Variants in SLC35F4 observed in about 807,000 individuals in gnomAD.
The protein encoded by SLC35F4 is chromosome 14 open reading frame 36.
A neutral mutation model predicts 44.2 loss-of-function variants in SLC35F4; 24 were observed. The observed-to-expected ratio is 0.54, with a 90% CI of 0.39 to 0.76. The LOEUF (loss-of-function observed/expected upper bound fraction) is 0.76. Among genes scored for constraint, SLC35F4 ranks in the 30% least tolerant of loss-of-function variants. The pLI is 0.00. For missense variants in SLC35F4, 562 were observed against 586.1 expected, an observed-to-expected ratio of 0.96 and a Z score of 0.42; for synonymous variants, 238 against 223.6, an observed-to-expected ratio of 1.06 and a Z score of -0.57.
chr14:57,569,621 A>G (rs1462795293), intron 6 of SLC35F4, among the ~76,000 whole-genome samples, 167 bp downstream of exon 6: 2 of 152,216 alleles, frequency 1.3e-5, no homozygotes, highest in Non-Finnish European at 2.9e-5. Flanking sequence ...AACCTAATCA[A>G]CCAGTAGCTT....
At chr14:57,964,461 C>T (rs1338116069) in intron 1 of SLC35F4, among the ~76,000 whole-genome samples, 1 of 152,162 alleles carries the variant, frequency 6.6e-6, no homozygotes, top group African/African-American at 2.4e-5. Flanking sequence ...TCCTTACTCT[C>T]TCAAAATGCT....
At chr14:57,564,508 T>C (rs1189421649) in intron 7 of SLC35F4, 132 bp from the exon 8 acceptor site, 1 of 1,293,670 alleles carries the variant, frequency 7.7e-7, no homozygotes, top group Non-Finnish European at 1.0e-6. Flanking sequence ...TGTTTCCTTT[T>C]TCCACATTGC....
chr14:57,691,488 A>G (rs184949728), intron 1 of SLC35F4, among the ~76,000 whole-genome samples: 14 of 152,330 alleles, frequency 9.2e-5, no homozygotes, highest in Admixed American at 7.2e-4. Flanking sequence ...AGTGTTGTCT[A>G]TAATACTAGC....
chr14:57,973,808 T>C (rs1934314219), downstream of SLC35F4, among the ~76,000 whole-genome samples: 1 of 152,054 alleles, frequency 6.6e-6, no homozygotes, highest in African/African-American at 2.4e-5. Flanking sequence ...TCTCTCTTCT[T>C]ATTTGCCACA....
intron 1 of SLC35F4, among the ~76,000 whole-genome samples, chr14:57,678,844 C>T (rs1250315802): frequency 6.6e-6 from 1 of 152,038 alleles, no homozygotes; most frequent in Non-Finnish European, 1.5e-5. Flanking sequence ...AATATATATG[C>T]ACCCAATACA....
chr14:57,790,876 A>G, intron 1 of SLC35F4, among the ~76,000 whole-genome samples: 1 of 152,182 alleles, frequency 6.6e-6, no homozygotes, highest in East Asian at 1.9e-4. Context: ...CAAAAAATGC[A>G]ATGGGGAAAG....
chr14:57,738,848 T>C (rs1332401190), intron 1 of SLC35F4, among the ~76,000 whole-genome samples: 1 of 147,804 alleles, frequency 6.8e-6, no homozygotes. Context: ...TGTATATATA[T>C]ATGAAATTTA....
At chr14:57,669,840 C>T (rs966437145) in intron 1 of SLC35F4, among the ~76,000 whole-genome samples, 1 of 152,060 alleles carries the variant, frequency 6.6e-6, no homozygotes, top group African/African-American at 2.4e-5. Context: ...TGATGCTGGC[C>T]TCATAAAATG....
chr14:57,788,747 T>C (rs947604159), intron 1 of SLC35F4, among the ~76,000 whole-genome samples: 1 of 152,116 alleles, frequency 6.6e-6, no homozygotes, highest in African/African-American at 2.4e-5. Context: ...TATTCTAAAA[T>C]TGACCACATA....
chr14:57,891,786 G>A (rs1268979770), intron 1 of SLC35F4, among the ~76,000 whole-genome samples: 1 of 152,154 alleles, frequency 6.6e-6, no homozygotes, highest in Non-Finnish European at 1.5e-5. Context: ...TGAGAAAAGA[G>A]AATCTCTTGA....
chr14:57,615,000 A>T (rs171139), intron 1 of SLC35F4, among the ~76,000 whole-genome samples: 1 of 151,964 alleles, frequency 6.6e-6, no homozygotes, highest in East Asian at 1.9e-4. Context: ...GAGTGTTCTC[A>T]TCCATCAAAT....
At chr14:57,865,673 C>G in intron 1 of SLC35F4, 50 bp downstream of exon 1, 1 of 1,460,004 alleles carries the variant, frequency 6.8e-7, no homozygotes, top group Non-Finnish European at 9.1e-7. Flanking sequence ...CACCCCTGCG[C>G]GCCCACCTCC....
chr14:57,918,862 G>C (rs1011937027), intron 1 of SLC35F4, among the ~76,000 whole-genome samples: 1 of 152,178 alleles, frequency 6.6e-6, no homozygotes, highest in African/African-American at 2.4e-5. Context: ...AGATGGTTAA[G>C]TAAGTTAACA....
At chr14:57,650,496 A>G (rs112031191) in intron 1 of SLC35F4, among the ~76,000 whole-genome samples, 48 of 152,130 alleles carry the variant, frequency 3.2e-4, no homozygotes, top group African/African-American at 1.1e-3. Flanking sequence ...ACACACCTCA[A>G]CTACGTCTAC....
chr14:57,646,457 A>C (rs954873291), intron 1 of SLC35F4, among the ~76,000 whole-genome samples: 6 of 152,024 alleles, frequency 3.9e-5, no homozygotes, highest in African/African-American at 1.5e-4. Context: ...TTTCTGTGGG[A>C]TCGGTGGTGA....
At chr14:57,785,337 C>G (rs1173783820) in intron 1 of SLC35F4, among the ~76,000 whole-genome samples, 1 of 152,040 alleles carries the variant, frequency 6.6e-6, no homozygotes, top group Non-Finnish European at 1.5e-5. Flanking sequence ...GATAATCGAG[C>G]CCTCCATTGC....
intron 1 of SLC35F4, among the ~76,000 whole-genome samples, chr14:57,893,521 T>C (rs1781735955): frequency 6.6e-6 from 1 of 152,168 alleles, no homozygotes; most frequent in Admixed American, 6.6e-5. Flanking sequence ...CTCTCTGCCA[T>C]TACACCTCAT....
intron 1 of SLC35F4, among the ~76,000 whole-genome samples, chr14:57,747,697 C>A (rs1173750403): frequency 6.6e-6 from 1 of 152,140 alleles, no homozygotes; most frequent in Non-Finnish European, 1.5e-5. Context: ...TATTCTTATA[C>A]CTAGCTGCAA....
intron 1 of SLC35F4, among the ~76,000 whole-genome samples, chr14:57,594,771 T>G (rs1369715056): frequency 5.3e-5 from 8 of 152,190 alleles, no homozygotes; most frequent in Non-Finnish European, 1.0e-4. Flanking sequence ...TTCCATGGGA[T>G]TGATCACTAA....
Sources: allele counts gnomAD v4.1 joint callset (sites outside exome capture counted in the v4.1 genomes callset), GRCh38; gene constraint gnomAD v4.1.1; transcripts MANE v1.5; gene names NCBI Gene and HGNC (gene_info 2026-07-23, HGNC 2026-07-21).